The following SLC26A8 variants were observed in gnomAD, a reference collection of about 807,000 sequenced individuals.
SLC26A8 encodes the protein solute carrier family 26 member 8.
A neutral mutation model predicts 105.0 loss-of-function variants in SLC26A8; 70 were observed. The observed-to-expected ratio is 0.67, with a 90% CI of 0.55 to 0.81. SLC26A8 has a LOEUF of 0.81. Among genes scored for constraint, SLC26A8 ranks in the 40% least tolerant of loss-of-function variants. The probability of loss-of-function intolerance (pLI) is 0.00; values close to 1 mark genes in which losing one functional copy is unlikely to be tolerated. For missense variants in SLC26A8, 998 were observed against 1,181.8 expected (o/e 0.84, Z 2.28); for synonymous variants, 415 against 438.3 (o/e 0.95, Z 0.66).
intron 3 of SLC26A8, among the ~76,000 whole-genome samples, chr6:36,004,074 C>CTTTTT (rs1184419646): frequency 8.7e-6 from 1 of 114,420 alleles, no homozygotes; most frequent in African/African-American, 3.3e-5. Flanking sequence ...TTTATTTCTG[C>CTTTTT]TTTTTTTTTT....
chr6:35,968,333 T>A (rs1388581518), intron 11 of SLC26A8, among the ~76,000 whole-genome samples: 4 of 150,876 alleles, frequency 2.7e-5, no homozygotes, highest in Admixed American at 1.3e-4. Flanking sequence ...TTGGTAGAGA[T>A]GAGGTTTCTC....
intron 3 of SLC26A8, among the ~76,000 whole-genome samples, chr6:36,001,060 C>T (rs190681456): frequency 1.2e-4 from 19 of 152,222 alleles, no homozygotes; most frequent in African/African-American, 2.4e-4. Flanking sequence ...TTCAAATTTC[C>T]CTGATTATCT....
intron 11 of SLC26A8, among the ~76,000 whole-genome samples, chr6:35,965,551 G>A (rs1473842052): frequency 3.3e-5 from 5 of 151,636 alleles, no homozygotes; most frequent in African/African-American, 4.9e-5. Context: ...GTGTGGTGAC[G>A]CATGCCTGTA....
chr6:35,962,596 C>T lies in SLC26A8; in HGVS notation c.1391G>A (p.Ser464Asn). 5 of 1,614,120 alleles carry T rather than the reference C, an allele frequency of 3.1e-6. No homozygotes were observed. The highest frequency in any genetic ancestry group is 4.2e-6 in the Non-Finnish European group (5 of 1,180,006). ...PNAVLAGIIL[S>N]NVIPYLETIS... is the part of the protein sequence containing the mutation. ...GGTTTCAAGGTAGGGAATGACGTTGCTCAGAATAATACCAGCCAGCACAGC... is the reference window on the plus strand; with the variant it reads ...GGTTTCAAGGTAGGGAATGACGTTGTTCAGAATAATACCAGCCAGCACAGC... Residue 464 changes from serine (S) to asparagine (N), a missense_variant, in exon 12 of 20, where the codon AGC becomes AAC. Ser to Asn is a conservative substitution (Grantham distance 46). Coordinates refer to ENST00000490799, the MANE Select transcript of SLC26A8 (RefSeq NM_052961.4).
intron 10 of SLC26A8, among the ~76,000 whole-genome samples, chr6:35,970,496 T>A (rs1191321991): frequency 6.6e-6 from 1 of 152,176 alleles, no homozygotes; most frequent in Non-Finnish European, 1.5e-5. Context: ...TCAGACACTG[T>A]GGAACTGAGA....
intron 7 of SLC26A8, among the ~76,000 whole-genome samples, chr6:35,983,575 A>G (rs9462150): frequency 0.42 from 63,135 of 148,850 alleles, 14,885 homozygotes; most frequent in African/African-American, 0.65. Flanking sequence ...TTTTGAAATG[A>G]AGTTTTGCTC....
intron 1 of SLC26A8, among the ~76,000 whole-genome samples, chr6:36,022,734 A>AT (rs1225014557): frequency 6.6e-6 from 1 of 151,586 alleles, no homozygotes; most frequent in African/African-American, 2.4e-5. Flanking sequence ...TTTCCTTATT[A>AT]TTTTTTTTAA....
At chr6:36,022,375 C>T (rs1440634323) in intron 1 of SLC26A8, among the ~76,000 whole-genome samples, 1 of 152,224 alleles carries the variant, frequency 6.6e-6, no homozygotes, top group Non-Finnish European at 1.5e-5. Flanking sequence ...ATGGTAGCCA[C>T]TGGCTACATG....
At chr6:35,950,806 A>G (rs1010830593) in intron 19 of SLC26A8, among the ~76,000 whole-genome samples, 2 of 152,054 alleles carry the variant, frequency 1.3e-5, no homozygotes, top group African/African-American at 4.8e-5. Context: ...GCTAGGGGAG[A>G]CATTTAGAAT....
intron 19 of SLC26A8, among the ~76,000 whole-genome samples, chr6:35,949,094 A>G (rs1226717059): frequency 1.3e-5 from 2 of 152,182 alleles, no homozygotes; most frequent in African/African-American, 4.8e-5. Context: ...CTAATGAACT[A>G]AGATAGATGG....
rs553564059 is a variant in SLC26A8 at position 36,013,289 on chromosome 6, C to T, written c.189-917G>A. Among the ~76,000 whole-genome samples the T allele has an allele frequency of 5.9e-5, 9 of 151,984 alleles. No individual in the cohort carries two copies. In the South Asian group the frequency reaches 1.2e-3, roughly 21 times the overall value. On this transcript the variant is annotated intron_variant, in intron 2 of 19. Coordinates refer to ENST00000490799, the MANE Select transcript of SLC26A8 (RefSeq NM_052961.4). The stretch of plus-strand genomic sequence containing the variant: ...TTGGCTCACTGCAGCCTCTGCCTCC[C>T]GGGTTCAAGCAATTCTCCTGCCTCA...
At chr6:35,999,721 G>A (rs1036180205) in intron 4 of SLC26A8, among the ~76,000 whole-genome samples, 1 of 152,184 alleles carries the variant, frequency 6.6e-6, no homozygotes, top group Non-Finnish European at 1.5e-5. Context: ...AGGGAAGTCA[G>A]ATTCCAATGT....
chr6:35,951,197 G>A lies in SLC26A8; in HGVS notation c.2438C>T (p.Thr813Ile), dbSNP rs1160687906. 1.2e-6 allele frequency: 2 copies of A among 1,610,158 alleles called. No individual in the cohort carries two copies. Among genetic ancestry groups the A allele is most frequent in the Admixed American group, 1.7e-5 (1 of 59,002 alleles). ...TTCTGAGTAGGTTTCCCGTATCACT[G>A]TCTCGGATTCATCGATGCTTAACTC... ...SSELSIDESE[T>I]VIRETYSETD... The change falls in exon 19 of 20, where the codon ACA (threonine) becomes ATA (isoleucine). Residue 813 changes from threonine (T) to isoleucine (I), a missense_variant. By Grantham distance (89) the Thr-to-Ile change is moderately conservative (BLOSUM62 -1). Transcript: ENST00000490799.
intron 9 of SLC26A8, among the ~76,000 whole-genome samples, chr6:35,975,693 C>T (rs1772983167): frequency 6.6e-6 from 1 of 151,638 alleles, no homozygotes; most frequent in African/African-American, 2.4e-5. Flanking sequence ...GCTGGTGGAT[C>T]ACCTGAGGTC....
chr6:35,951,142 T>G (rs771716511), intron 19 of SLC26A8, 21 bp downstream of exon 19: 5 of 1,331,026 alleles, frequency 3.8e-6, no homozygotes, highest in Non-Finnish European at 3.0e-6. Flanking sequence ...CCCAACCTCA[T>G]GCTTTGTCGG....
chr6:36,017,000 C>T lies in SLC26A8; in HGVS notation c.188+2520G>A, dbSNP rs536925316. Among the ~76,000 whole-genome samples the T allele has an allele frequency of 3.3e-5, 5 of 152,134 alleles. No individual in the cohort carries two copies. The East Asian group carries it at 5.8e-4, about 18-fold the overall frequency. ...CAGCCTGACCAATTTGATGAAACCCCGTCTCTACTAAAAATGCAAAAATTA... is the reference window on the plus strand; with the variant it reads ...CAGCCTGACCAATTTGATGAAACCCTGTCTCTACTAAAAATGCAAAAATTA... On this transcript the variant is annotated intron_variant, in intron 2 of 19. Coordinates refer to ENST00000490799, the MANE Select transcript of SLC26A8 (RefSeq NM_052961.4).
intron 3 of SLC26A8, among the ~76,000 whole-genome samples, chr6:36,002,149 G>A (rs1430993646): frequency 6.6e-6 from 1 of 152,004 alleles, no homozygotes; most frequent in Non-Finnish European, 1.5e-5. Flanking sequence ...ACTCAAATTA[G>A]CTTAAGCAAA....
intron 3 of SLC26A8, among the ~76,000 whole-genome samples, chr6:36,008,424 G>C (rs1267880871): frequency 5.3e-5 from 8 of 152,180 alleles, no homozygotes; most frequent in Non-Finnish European, 1.5e-5. Flanking sequence ...TAGCAAGTTA[G>C]GCACATGAAA....
chr6:35,985,505 C>A (rs369038964), intron 7 of SLC26A8, among the ~76,000 whole-genome samples: 2 of 151,480 alleles, frequency 1.3e-5, no homozygotes, highest in Non-Finnish European at 1.5e-5. Context: ...CCATCCTGGC[C>A]AACATGGTGA....
Sources: gnomAD v4.1 joint callset for allele counts (sites outside exome capture counted in the v4.1 genomes callset) on GRCh38, gnomAD v4.1.1 for gene constraint, MANE v1.5 for transcripts, NCBI Gene and HGNC (gene_info 2026-07-23, HGNC 2026-07-21) for gene names.